Variants in ROR2 observed in about 807,000 individuals in gnomAD.
ROR2 encodes the protein tyrosine-protein kinase transmembrane receptor ROR2.
In ROR2, 33 loss-of-function variants were observed where a neutral mutation model predicts 74.9. The ratio of observed to expected loss-of-function variants is 0.44; its 90% CI spans 0.33 to 0.59. The LOEUF (loss-of-function observed/expected upper bound fraction) is 0.59. Ranked by LOEUF, ROR2 falls within the 20% of genes least tolerant of loss-of-function variation. The probability of loss-of-function intolerance (pLI) is 0.02; values close to 1 mark genes in which losing one functional copy is unlikely to be tolerated. For synonymous variants in ROR2, 586 were observed against 558.7 expected (o/e 1.05, Z -0.69); for missense variants, 1,216 against 1,313.8 (o/e 0.93, Z 1.15).
intron 3 of ROR2, among the ~76,000 whole-genome samples, 176 bp from the exon 4 acceptor site, chr9:91,756,277 A>T (rs1349335580): frequency 6.6e-6 from 1 of 152,222 alleles, no homozygotes; most frequent in Non-Finnish European, 1.5e-5. Flanking sequence ...ACCACACACA[A>T]GGGAAGGGGT....
chr9:91,750,317 G>A (rs1448259532), intron 4 of ROR2, among the ~76,000 whole-genome samples: 1 of 152,220 alleles, frequency 6.6e-6, no homozygotes, highest in Non-Finnish European at 1.5e-5. Context: ...TTGAGCCACT[G>A]TTCCCAGGGA....
intron 1 of ROR2, among the ~76,000 whole-genome samples, chr9:91,898,890 A>G (rs1239043936): frequency 6.6e-6 from 1 of 152,204 alleles, no homozygotes; most frequent in African/African-American, 2.4e-5. Flanking sequence ...ACAGCTGAGC[A>G]AGGCCACAGT....
At chr9:91,737,313 A>G in intron 5 of ROR2, 78 bp downstream of exon 5, 1 of 1,586,550 alleles carries the variant, frequency 6.3e-7, no homozygotes, top group East Asian at 2.2e-5. Flanking sequence ...TAACTGATGA[A>G]ACACAGTGGC....
chr9:91,874,399 A>G (rs1429703586), intron 1 of ROR2, among the ~76,000 whole-genome samples: 1 of 151,780 alleles, frequency 6.6e-6, no homozygotes, highest in East Asian at 1.9e-4. Flanking sequence ...TCATTAAATT[A>G]TGTAATTAAG....
At chr9:91,839,251 G>GGGGTGT (rs1491103564) in intron 1 of ROR2, among the ~76,000 whole-genome samples, 26 of 107,796 alleles carry the variant, frequency 2.4e-4, no homozygotes, top group East Asian at 6.5e-4. Flanking sequence ...TCAGATCGGG[G>GGGGTGT]GTGTGTGTGT....
intron 4 of ROR2, among the ~76,000 whole-genome samples, chr9:91,750,029 G>A (rs899747368): frequency 2.0e-5 from 3 of 152,152 alleles, no homozygotes; most frequent in Non-Finnish European, 2.9e-5. Flanking sequence ...CGCCTCCCAA[G>A]TAGCTGGAAT....
chr9:91,816,388 C>T (rs1422728678), intron 1 of ROR2, among the ~76,000 whole-genome samples: 1 of 152,180 alleles, frequency 6.6e-6, no homozygotes, highest in Non-Finnish European at 1.5e-5. Context: ...GAGGACCTGC[C>T]CAGGCTCTTT....
At chr9:91,839,896 C>G (rs1430712474) in intron 1 of ROR2, among the ~76,000 whole-genome samples, 1 of 152,060 alleles carries the variant, frequency 6.6e-6, no homozygotes, top group African/African-American at 2.4e-5. Context: ...CTTGGGGACA[C>G]CCCACCAAAA....
intron 1 of ROR2, among the ~76,000 whole-genome samples, chr9:91,779,956 A>G (rs1826555554): frequency 6.6e-6 from 1 of 152,254 alleles, no homozygotes; most frequent in Non-Finnish European, 1.5e-5. Context: ...AATGTCTTGT[A>G]TATTCCAGGC....
rs781565044 is a variant in ROR2 at position 91,724,109 on chromosome 9, G to A, written c.2385C>T (p.Pro795=). 4 of 1,610,834 alleles carry A rather than the reference G, an allele frequency of 2.5e-6. No individual in the cohort carries two copies. In the African/African-American group the frequency reaches 5.3e-5, roughly 21 times the overall value. The part of the protein sequence containing the change: ...RYVGPKQKAP[P]FPQPQFIPMK... ...TGGGGATGAACTGGGGCTGTGGGAAGGGCGGGGCCTTCTGCTTGGGCCCCA... is the reference window on the plus strand; with the variant it reads ...TGGGGATGAACTGGGGCTGTGGGAAAGGCGGGGCCTTCTGCTTGGGCCCCA... Residue 795 remains proline, a synonymous_variant, in exon 9 of 9, where the codon CCC becomes CCT. Coordinates refer to ENST00000375708, the MANE Select transcript of ROR2 (RefSeq NM_004560.4).
At chr9:91,897,920 GAGAGT>G (rs1199480331) in intron 1 of ROR2, among the ~76,000 whole-genome samples, 17 of 152,170 alleles carry the variant, frequency 1.1e-4, no homozygotes, top group African/African-American at 4.1e-4. Flanking sequence ...CATGTGGACA[GAGAGT>G]GCAGTCCCCC....
intron 1 of ROR2, among the ~76,000 whole-genome samples, chr9:91,809,277 TG>T (rs1827669758): frequency 6.6e-6 from 1 of 152,026 alleles, no homozygotes; most frequent in Non-Finnish European, 1.5e-5. Flanking sequence ...TCAATGGGAG[TG>T]TCAGTGTGAA....
intron 2 of ROR2, among the ~76,000 whole-genome samples, chr9:91,774,939 G>C (rs534180719): frequency 3.1e-4 from 47 of 152,276 alleles, no homozygotes; most frequent in Non-Finnish European, 5.0e-4. Flanking sequence ...CGGTTTCAGC[G>C]GGGCCTCCAT....
chr9:91,898,942 C>T (rs538077092), intron 1 of ROR2, among the ~76,000 whole-genome samples: 9 of 152,342 alleles, frequency 5.9e-5, no homozygotes, highest in Middle Eastern at 3.4e-3. Flanking sequence ...CCCGATGCCA[C>T]GTGGCCTGAG....
At chr9:91,747,955 A>T (rs1309044521) in intron 4 of ROR2, among the ~76,000 whole-genome samples, 1 of 152,238 alleles carries the variant, frequency 6.6e-6, no homozygotes, top group African/African-American at 2.4e-5. Flanking sequence ...TGGTCAAAGG[A>T]TACAAAATTT....
chr9:91,744,746 AC>A (rs1825354573), intron 4 of ROR2, among the ~76,000 whole-genome samples: 1 of 152,184 alleles, frequency 6.6e-6, no homozygotes, highest in Non-Finnish European at 1.5e-5. Flanking sequence ...TGCAATGGCC[AC>A]CTCTAAGGCC....
At chr9:91,828,713 C>CAAAT (rs1310719283) in intron 1 of ROR2, among the ~76,000 whole-genome samples, 2 of 152,052 alleles carry the variant, frequency 1.3e-5, no homozygotes, top group Non-Finnish European at 2.9e-5. Context: ...GACCCTGTCT[C>CAAAT]AAATAAATAA....
chr9:91,753,655 G>A (rs887363294), intron 4 of ROR2, among the ~76,000 whole-genome samples: 6 of 152,154 alleles, frequency 3.9e-5, no homozygotes, highest in African/African-American at 1.4e-4. Flanking sequence ...AGGCTTCCCT[G>A]ATGGGAATGC....
chr9:91,908,315 TGACA>T (rs1345862109), intron 1 of ROR2, among the ~76,000 whole-genome samples: 1 of 152,356 alleles, frequency 6.6e-6, no homozygotes, highest in East Asian at 1.9e-4. Context: ...TAGTAGCAAC[TGACA>T]GAAAACATCA....
Sources: gnomAD v4.1 joint callset for allele counts (sites outside exome capture counted in the v4.1 genomes callset) on GRCh38, gnomAD v4.1.1 for gene constraint, MANE v1.5 for transcripts, NCBI Gene and HGNC (gene_info 2026-07-23, HGNC 2026-07-21) for gene names.